Variants in PRKN observed in about 807,000 individuals in gnomAD.
PRKN encodes the protein parkin RBR E3 ubiquitin protein ligase.
PRKN carries 56 observed loss-of-function variants against 59.5 expected under a neutral mutation model. The observed-to-expected ratio is 0.94, with a 90% CI of 0.76 to 1.18. PRKN has a LOEUF of 1.18. PRKN is among the 50% of genes most tolerant of loss of function. The probability of loss-of-function intolerance (pLI) is 0.00; values close to 1 mark genes in which losing one functional copy is unlikely to be tolerated. For missense variants in PRKN, 657 were observed against 596.4 expected, an observed-to-expected ratio of 1.10 and a Z score of -1.06; for synonymous variants, 250 against 222.1, an observed-to-expected ratio of 1.13 and a Z score of -1.12.
chr6:162,699,921 A>C (rs1778093750), intron 1 of PRKN, among the ~76,000 whole-genome samples: 2 of 152,182 alleles, frequency 1.3e-5, no homozygotes, highest in African/African-American at 4.8e-5. Flanking sequence ...TAAAACTCAT[A>C]TCCTAGAGGA....
At chr6:162,279,518 T>C (rs557300360) in intron 2 of PRKN, among the ~76,000 whole-genome samples, 1 of 151,460 alleles carries the variant, frequency 6.6e-6, no homozygotes, top group Non-Finnish European at 1.5e-5. Flanking sequence ...TAATCCTGAG[T>C]TCTAATTTGA....
At chr6:162,167,023 C>T (rs1378695348) in intron 4 of PRKN, among the ~76,000 whole-genome samples, 2 of 152,076 alleles carry the variant, frequency 1.3e-5, no homozygotes, top group Non-Finnish European at 2.9e-5. Flanking sequence ...TTTACAGGAA[C>T]CCAACAAAGA....
chr6:161,902,621 A>C (rs1289264875), intron 6 of PRKN, among the ~76,000 whole-genome samples: 1 of 137,568 alleles, frequency 7.3e-6, no homozygotes, highest in African/African-American at 2.8e-5. Context: ...GTGCAGTGGT[A>C]CCATCTCAGC....
At chr6:162,455,030 G>A (rs1790802983) in intron 1 of PRKN, among the ~76,000 whole-genome samples, 1 of 152,232 alleles carries the variant, frequency 6.6e-6, no homozygotes, top group Non-Finnish European at 1.5e-5. Flanking sequence ...ACACAGTAAA[G>A]AGGGACAAGA....
Position 161,621,593 on chromosome 6 carries a change from A to G in PRKN, c.872-52177T>C, listed in dbSNP as rs550505519. ...TAAGGGCTGATCTTCCCCTTCCCCA[A>G]TCAATCCACTTGGACTCACATCCCA... On this transcript the variant is annotated intron_variant, in intron 7 of 11. Coordinates refer to ENST00000366898, the MANE Select transcript of PRKN (RefSeq NM_004562.3). Among the ~76,000 whole-genome samples, 220 of 152,246 alleles carry G rather than the reference A, an allele frequency of 1.4e-3. 1 individual carries two copies. Among genetic ancestry groups the G allele is most frequent in the Admixed American group, 3.5e-3 (53 of 15,282 alleles).
chr6:162,565,377 T>C (rs1388944205), intron 1 of PRKN, among the ~76,000 whole-genome samples: 2 of 151,954 alleles, frequency 1.3e-5, no homozygotes. Flanking sequence ...GAGGAGTAAG[T>C]CCTTACTTAT....
chr6:162,133,699 G>T (rs970466351), intron 4 of PRKN, among the ~76,000 whole-genome samples: 2 of 152,184 alleles, frequency 1.3e-5, no homozygotes, highest in Admixed American at 6.5e-5. Context: ...CAGTTCTTGG[G>T]TTGCTGGGAA....
At chr6:161,541,466 TTG>T (rs1239130856) in intron 9 of PRKN, among the ~76,000 whole-genome samples, 1 of 152,214 alleles carries the variant, frequency 6.6e-6, no homozygotes. Flanking sequence ...TCCAATCGAT[TTG>T]CCATAAAACT....
At chr6:162,492,047 A>G (rs1239289226) in intron 1 of PRKN, among the ~76,000 whole-genome samples, 1 of 152,142 alleles carries the variant, frequency 6.6e-6, no homozygotes, top group Non-Finnish European at 1.5e-5. Flanking sequence ...AATGGAAACA[A>G]GATGGTCCTG....
rs552794283 is a variant in PRKN at position 161,560,498 on chromosome 6, G to A, written c.933+8857C>T. Among the ~76,000 whole-genome samples the A allele has an allele frequency of 9.9e-5, 15 of 152,256 alleles. No homozygotes were observed. The South Asian group carries it at 3.1e-3, about 32-fold the overall frequency. ...CAGCCCCTCATTCTTGAAGACTGTAGCTTCAGGCTGTTCTCACCTTTTCTC... is the reference window on the plus strand; with the variant it reads ...CAGCCCCTCATTCTTGAAGACTGTAACTTCAGGCTGTTCTCACCTTTTCTC... On this transcript the variant is annotated intron_variant, in intron 8 of 11. Coordinates refer to ENST00000366898, the MANE Select transcript of PRKN (RefSeq NM_004562.3). The surrounding 1 kb of genome is among the most constrained non-coding windows in gnomAD (Gnocchi z 4.9).
chr6:162,336,609 TGA>T (rs1783857462), intron 2 of PRKN, among the ~76,000 whole-genome samples: 1 of 152,238 alleles, frequency 6.6e-6, no homozygotes, highest in Admixed American at 6.5e-5. Context: ...ATTGATGATT[TGA>T]GATTGCATGT....
At chr6:162,376,791 G>C (rs1465737799) in intron 2 of PRKN, among the ~76,000 whole-genome samples, 4 of 84,902 alleles carry the variant, frequency 4.7e-5, no homozygotes, top group Non-Finnish European at 9.5e-5. Context: ...GGGAGGGGAG[G>C]AGGAGAGAGA....
At chr6:161,709,860 A>G (rs929934976) in intron 7 of PRKN, among the ~76,000 whole-genome samples, 2 of 152,320 alleles carry the variant, frequency 1.3e-5, no homozygotes, top group East Asian at 3.9e-4. Flanking sequence ...AATTACCAAG[A>G]TACCTTAAAT....
intron 6 of PRKN, among the ~76,000 whole-genome samples, chr6:161,900,357 C>T (rs549007744): frequency 4.7e-5 from 7 of 148,768 alleles, no homozygotes; most frequent in Admixed American, 3.4e-4. Flanking sequence ...CTTTGGGTGA[C>T]GCCAATAACA....
Position 161,355,229 on chromosome 6 carries a change from C to A in PRKN, c.1285+4859G>T, listed in dbSNP as rs1232083799. Among the ~76,000 whole-genome samples, 2 of 152,242 alleles carry A rather than the reference C, an allele frequency of 1.3e-5. No homozygotes were observed. The highest frequency in any genetic ancestry group is 2.9e-5 in the Non-Finnish European group (2 of 68,048). On this transcript the variant is annotated intron_variant, in intron 11 of 11. Transcript: ENST00000366898. The surrounding 1 kb of genome is among the most constrained non-coding windows in gnomAD (Gnocchi z 6.8). ...GGACGCCTCCTCCTGCTCTTCCTTG[C>A]CTTGCTCATATCTGCTCATTCTTCA...
intron 4 of PRKN, among the ~76,000 whole-genome samples, chr6:162,101,122 T>G (rs1779953619): frequency 6.6e-6 from 1 of 152,152 alleles, no homozygotes; most frequent in South Asian, 2.1e-4. Context: ...TTGCTTGTGC[T>G]TTTGGAGTCA....
At position 161,582,369 on chromosome 6, in the gene PRKN, G is replaced by A. The variant is rs956880361; in HGVS notation, c.872-12953C>T. ...GAAGATCTATACATTACAATGTTGG[G>A]CGCAGCAGATATAATCTGAACTAGG... On this transcript the variant is annotated intron_variant, in intron 7 of 11. Transcript: ENST00000366898. The surrounding 1 kb of genome is among the most constrained non-coding windows in gnomAD (Gnocchi z 4.4). 3.9e-5 allele frequency among the ~76,000 whole-genome samples: 6 copies of A among 151,940 alleles called. No individual in the cohort carries two copies. The highest frequency in any genetic ancestry group is 8.8e-5 in the Non-Finnish European group (6 of 67,990).
chr6:162,682,052 C>T (rs755838528), intron 1 of PRKN, among the ~76,000 whole-genome samples: 50 of 152,124 alleles, frequency 3.3e-4, no homozygotes, highest in Non-Finnish European at 6.6e-4. Context: ...TATTCATATA[C>T]ATATACATAG....
intron 6 of PRKN, among the ~76,000 whole-genome samples, chr6:161,884,598 TTATCAAGTAATTTA>T (rs1477687868): frequency 6.6e-6 from 1 of 152,200 alleles, no homozygotes; most frequent in East Asian, 1.9e-4. Context: ...GGTGATTCTT[TTATCAAGTAATTTA>T]TTTTTAAATT....
Sources: allele counts gnomAD v4.1 joint callset (sites outside exome capture counted in the v4.1 genomes callset), GRCh38; gene constraint gnomAD v4.1.1; non-coding constraint Gnocchi (gnomAD v3.1); transcripts MANE v1.5; gene names NCBI Gene and HGNC (gene_info 2026-07-23, HGNC 2026-07-21).